The following PIK3IP1 variants were observed in gnomAD, a reference collection of about 807,000 sequenced individuals.
PIK3IP1 encodes phosphoinositide-3-kinase-interacting protein 1.
In PIK3IP1, 28 loss-of-function variants were observed where a neutral mutation model predicts 30.7. The observed-to-expected ratio is 0.91, with a 90% CI of 0.68 to 1.25. The LOEUF (loss-of-function observed/expected upper bound fraction) is 1.25. Among genes scored for constraint, PIK3IP1 ranks in the 50% most tolerant of loss-of-function variants. The pLI is 0.00. For missense variants in PIK3IP1, 333 were observed against 346.2 expected (o/e 0.96, Z 0.30); for synonymous variants, 159 against 140.8 (o/e 1.13, Z -0.91).
chr22:31,290,026 G>A (rs1226364786), intron 3 of PIK3IP1: 4 of 274,618 alleles, frequency 1.5e-5, no homozygotes, highest in Non-Finnish European at 2.8e-5. Context: ...TTCTACTTCA[G>A]GAAACAACCC....
rs750315483 is a variant in PIK3IP1, at chr22:31,290,934, A to G, written c.307+31T>C. The G allele has an allele frequency of 1.1e-5, 17 of 1,543,486 alleles. No individual in the cohort carries two copies. In the East Asian group the frequency reaches 4.3e-4, roughly 39 times the overall value. On this transcript the variant is annotated intron_variant, in intron 3 of 5. Coordinates refer to ENST00000215912, the MANE Select transcript of PIK3IP1 (RefSeq NM_052880.5). ...TCAGCCGCTTCCTGTCAGCGCCAGG[A>G]GCGGGGATTCCCGGGGTCCCGGGCA...
Position 31,283,170 on chromosome 22 carries a change from C to T in PIK3IP1, c.706G>A (p.Val236Ile). 1 of 1,614,214 alleles carries T rather than the reference C, an allele frequency of 6.2e-7. No individual in the cohort carries two copies. The highest frequency in any genetic ancestry group is 1.3e-5 in the African/African-American group (1 of 75,060). Reference protein sequence around the residue: ...PTCEIVDEKTVVVHTSQTPVD... With the variant: ...PTCEIVDEKTIVVHTSQTPVD... ...GGAGTCTGGCTGGTGTGGACCACGA[C>T]AGTCTTCTCATCCACAATCTCACAG... Residue 236 changes from valine (V) to isoleucine (I), a missense_variant, in exon 6 of 6, where the codon GTC becomes ATC. This residue lies in a region of PIK3IP1 where 217 missense variants were observed against 227.7 expected (regional missense o/e 0.95). Transcript: ENST00000215912.
In PIK3IP1 at chr22:31,283,466, C is replaced by T. The variant is rs557600957; in HGVS notation, c.588-178G>A. On this transcript the variant is annotated intron_variant, in intron 5 of 5. Coordinates refer to ENST00000215912, the MANE Select transcript of PIK3IP1 (RefSeq NM_052880.5). ...CTAGGATATCCATTCTGCAAGACGG[C>T]GTTAAACTCAACAAGAAGCTCCTGC... Among the ~76,000 whole-genome samples the T allele has an allele frequency of 3.9e-5, 6 of 152,262 alleles. No individual in the cohort carries two copies. In the East Asian group the frequency reaches 9.6e-4, roughly 24 times the overall value.
rs1032966240 is a variant in PIK3IP1 at position 31,282,320 on chromosome 22, T to A, written c.*764A>T. 5.2e-5 allele frequency: 8 copies of A among 152,662 alleles called. No individual in the cohort carries two copies. The highest frequency in any genetic ancestry group is 1.9e-4 in the African/African-American group (8 of 41,452). 9.5% of individuals were successfully genotyped at this position (152,662 alleles called of 1,614,324 possible). A position where few individuals can be genotyped will look rare whatever the true frequency, so the allele number is the denominator to read the frequency against. ...TGTGCAAAATGAAGACAGGTCACTA[T>A]CCATCCCTGAAGAGAAACTGGGGCA... On this transcript the variant is annotated 3_prime_UTR_variant, in exon 6 of 6. Coordinates refer to ENST00000215912, the MANE Select transcript of PIK3IP1 (RefSeq NM_052880.5).
intron 5 of PIK3IP1, among the ~76,000 whole-genome samples, chr22:31,284,651 G>C (rs1313448444): frequency 6.6e-6 from 1 of 152,174 alleles, no homozygotes; most frequent in East Asian, 1.9e-4. Context: ...AGCCAAGAAA[G>C]AACAAAAGGC....
chr22:31,291,452 A>ACC (rs2049178179), intron 1 of PIK3IP1, among the ~76,000 whole-genome samples, 156 bp from the exon 2 acceptor site: 2 of 105,424 alleles, frequency 1.9e-5, no homozygotes, highest in African/African-American at 3.5e-5. Context: ...TCGTGGCAAC[A>ACC]CCCCCACGCC....
chr22:31,289,693 G>A lies in PIK3IP1; in HGVS notation c.314C>T (p.Thr105Ile). 1 of 1,552,240 alleles carries A rather than the reference G, an allele frequency of 6.4e-7. No homozygotes were observed. Among genetic ancestry groups the A allele is most frequent in the Non-Finnish European group, 8.7e-7 (1 of 1,147,186 alleles). The change falls in exon 4 of 6, where the codon ACC (threonine) becomes ATC (isoleucine). Residue 105 changes from threonine (T) to isoleucine (I), a missense_variant. This residue lies in a region of PIK3IP1 where 217 missense variants were observed against 227.7 expected (regional missense o/e 0.95). Transcript: ENST00000215912. ...CGTGAAGGCTGGCAGGGCCTGGGAG[G>A]TGGTCTCTGGAGATGAGGTGGGAAA... ...PCEDLRCPET[T>I]SQALPAFTTE...
At chr22:31,286,219 A>T (rs2049130160) in intron 5 of PIK3IP1, among the ~76,000 whole-genome samples, 1 of 152,190 alleles carries the variant, frequency 6.6e-6, no homozygotes, top group Admixed American at 6.5e-5. Flanking sequence ...GAAAGCATGA[A>T]ATAAATGTTG....
intron 5 of PIK3IP1, among the ~76,000 whole-genome samples, chr22:31,287,466 G>A (rs1221897221): frequency 6.6e-6 from 1 of 151,358 alleles, no homozygotes; most frequent in Non-Finnish European, 1.5e-5. Flanking sequence ...AAGTAGCCGG[G>A]ATTACAAGTG....
intron 1 of PIK3IP1, among the ~76,000 whole-genome samples, chr22:31,291,946 C>T (rs2049183896): frequency 6.6e-6 from 1 of 152,196 alleles, no homozygotes; most frequent in South Asian, 2.1e-4. Context: ...GCAGGAGAAC[C>T]ACAGAAGGAG....
Position 31,282,985 on chromosome 22 carries a change from G to A in PIK3IP1, c.*99C>T. On this transcript the variant is annotated 3_prime_UTR_variant, in exon 6 of 6. Transcript: ENST00000215912. The stretch of plus-strand genomic sequence containing the variant: ...TCGCCAAAAAAGCGGGGGAGTGGTA[G>A]GGTTTTAACCAGAACACAAAGTGGT... 1 of 923,474 alleles carries A rather than the reference G, an allele frequency of 1.1e-6. No homozygotes were observed. The highest frequency in any genetic ancestry group is 1.6e-6 in the Non-Finnish European group (1 of 622,700). The allele number at this position is 923,474 out of a possible 1,614,324, so 57.2% of individuals were successfully genotyped here. A position where few individuals can be genotyped will look rare whatever the true frequency, so the allele number is the denominator to read the frequency against.
chr22:31,288,470 A>G (rs1168811255), intron 5 of PIK3IP1, among the ~76,000 whole-genome samples: 1 of 152,070 alleles, frequency 6.6e-6, no homozygotes, highest in African/African-American at 2.4e-5. Flanking sequence ...CTACTGTGTC[A>G]CTTTCCTCAC....
rs1285614156 is a variant in PIK3IP1 at position 31,289,553 on chromosome 22, T to C, written c.454A>G (p.Ile152Val). The C allele has an allele frequency of 6.4e-7, 1 of 1,557,222 alleles. No individual in the cohort carries two copies. Among genetic ancestry groups the C allele is most frequent in the South Asian group, 1.2e-5 (1 of 84,352 alleles). ...GAGTTCATCCGCACCCGCTGGCTGA[T>C]CCCAATCACTGGCTGCACAGCTGCC... Reference protein sequence around the residue: ...EAAAVQPVIGISQRVRMNSKE... With the variant: ...EAAAVQPVIGVSQRVRMNSKE... Residue 152 changes from isoleucine to valine, a missense_variant, in exon 4 of 6, where the codon ATC becomes GTC. By Grantham distance (29) the Ile-to-Val change is conservative (BLOSUM62 3). This residue lies in a region of PIK3IP1 where 217 missense variants were observed against 227.7 expected (regional missense o/e 0.95). Transcript: ENST00000215912.
chr22:31,288,641 G>A (rs1428516620), intron 5 of PIK3IP1, among the ~76,000 whole-genome samples: 1 of 152,216 alleles, frequency 6.6e-6, no homozygotes, highest in Non-Finnish European at 1.5e-5. Context: ...AGTCACTGAC[G>A]GACATCTCGT....
chr22:31,288,430 G>A (rs2049147924), intron 5 of PIK3IP1, among the ~76,000 whole-genome samples: 1 of 124,224 alleles, frequency 8.0e-6, no homozygotes. Flanking sequence ...AAGGGAGGGA[G>A]GGAGGGAGGA....
chr22:31,287,459 T>C (rs2049140834), intron 5 of PIK3IP1, among the ~76,000 whole-genome samples: 1 of 151,228 alleles, frequency 6.6e-6, no homozygotes, highest in Non-Finnish European at 1.5e-5. Context: ...GCCTCCCAAG[T>C]AGCCGGGATT....
Position 31,282,510 on chromosome 22 carries a change from C to G in PIK3IP1, c.*574G>C, listed in dbSNP as rs1000402658. The G allele has an allele frequency of 2.0e-5, 3 of 152,976 alleles. No homozygotes were observed. The highest frequency in any genetic ancestry group is 7.2e-5 in the African/African-American group (3 of 41,440). 9.5% of individuals were successfully genotyped at this position (152,976 alleles called of 1,614,324 possible). On this transcript the variant is annotated 3_prime_UTR_variant, in exon 6 of 6. Coordinates refer to ENST00000215912, the MANE Select transcript of PIK3IP1 (RefSeq NM_052880.5). The stretch of plus-strand genomic sequence containing the variant: ...GTCAAGGCACATCATTGCCAGCAAG[C>G]TGAAGCATACCAGCAGCCACAACCT...
chr22:31,289,734 A>C, intron 3 of PIK3IP1, 35 bp from the exon 4 acceptor site: 1 of 1,545,774 alleles, frequency 6.5e-7, no homozygotes, highest in Middle Eastern at 1.7e-4. Flanking sequence ...CTCATCAGGG[A>C]CTGCCCTGAG....
intron 5 of PIK3IP1, among the ~76,000 whole-genome samples, chr22:31,283,811 A>G (rs1249083949): frequency 1.3e-5 from 2 of 152,072 alleles, no homozygotes; most frequent in Non-Finnish European, 2.9e-5. Context: ...CCTAACCCAT[A>G]AAGTTGTCCA....
Sources: allele counts gnomAD v4.1 joint callset (sites outside exome capture counted in the v4.1 genomes callset), GRCh38; gene constraint gnomAD v4.1.1; regional missense constraint gnomAD v4.1.1; transcripts MANE v1.5; gene names NCBI Gene and HGNC (gene_info 2026-07-23, HGNC 2026-07-21).